SCOC: variants seen among roughly 807,000 people sequenced by gnomAD.
SCOC encodes short coiled-coil protein.
In SCOC, 7 loss-of-function variants were observed where a neutral mutation model predicts 9.9. That is an observed-to-expected ratio of 0.71 (90% CI 0.40 to 1.33). The LOEUF is 1.33. SCOC is among the 40% of genes most tolerant of loss of function. The pLI is 0.01. For missense variants in SCOC, 66 were observed against 89.7 expected (o/e 0.74, Z 1.07); for synonymous variants, 19 against 28.2 (o/e 0.67, Z 1.03).
chr4:140,342,016 CTCCCTATT>C (rs983272934), upstream of SCOC, among the ~76,000 whole-genome samples: 4 of 152,166 alleles, frequency 2.6e-5, no homozygotes, highest in African/African-American at 9.7e-5. Flanking sequence ...TTCTGCCTCC[CTCCCTATT>C]TTATCTCATC....
At chr4:140,293,962 C>T (rs535248019) in intron 1 of SCOC, among the ~76,000 whole-genome samples, 53 of 152,318 alleles carry the variant, frequency 3.5e-4, no homozygotes, top group Middle Eastern at 6.8e-3. Flanking sequence ...TTTAACTTAG[C>T]TTTCCCCATT....
intron 1 of SCOC, among the ~76,000 whole-genome samples, chr4:140,283,519 G>A (rs1731146828): frequency 1.3e-5 from 2 of 152,002 alleles, no homozygotes; most frequent in African/African-American, 4.8e-5. Flanking sequence ...TGCATTGAAT[G>A]TCATCATGCT....
At chr4:140,311,004 A>G (rs1369580393) in intron 1 of SCOC, among the ~76,000 whole-genome samples, 1 of 152,238 alleles carries the variant, frequency 6.6e-6, no homozygotes, top group Non-Finnish European at 1.5e-5. Flanking sequence ...GACCTAGGGA[A>G]AAACATTAGA....
At chr4:140,353,644 C>T (rs1028002592) in intron 2 of SCOC, among the ~76,000 whole-genome samples, 2 of 152,146 alleles carry the variant, frequency 1.3e-5, no homozygotes, top group East Asian at 3.9e-4. Context: ...ATGATCTGCC[C>T]GCCTTGGCCT....
chr4:140,325,262 T>C lies in SCOC; in HGVS notation c.-18-18359T>C, dbSNP rs138363392. 2.3e-4 allele frequency among the ~76,000 whole-genome samples: 35 copies of C among 152,234 alleles called. No homozygotes were observed. In the East Asian group the frequency reaches 2.3e-3, roughly 10 times the overall value. Reference sequence around the variant, plus strand: ...GATCTTGGGTTTGGCAATGGGTTGTTAGATACAACAATAAAAGCACAATCC... The same window carrying C: ...GATCTTGGGTTTGGCAATGGGTTGTCAGATACAACAATAAAAGCACAATCC... On this transcript the variant is annotated intron_variant, in intron 1 of 4. Coordinates refer to the SCOC transcript ENST00000394205.
chr4:140,280,794 TC>T (rs1731080225), intron 1 of SCOC, among the ~76,000 whole-genome samples: 1 of 152,204 alleles, frequency 6.6e-6, no homozygotes, highest in Admixed American at 6.5e-5. Flanking sequence ...AATGTGTTTT[TC>T]TGAGGAGACG....
In SCOC at chr4:140,295,930, CA is replaced by C. The variant is rs1203213131; in HGVS notation, c.-19+38537del. On this transcript the variant is annotated intron_variant, in intron 1 of 4. Coordinates refer to the SCOC transcript ENST00000394205. ...TGGGCGACAGAGCGAGACTCCGTCT[CA>C]AAAAAAAAAAAAAAAAGAAAGAAAG... 2.7e-3 allele frequency among the ~76,000 whole-genome samples: 144 copies of C among 53,014 alleles called. 1 individual carries two copies. In the East Asian group the frequency reaches 0.028, roughly 10 times the overall value. 34.8% of individuals were successfully genotyped at this position (53,014 alleles called of 152,430 possible).
chr4:140,331,880 GT>G (rs1266503158), intron 1 of SCOC, among the ~76,000 whole-genome samples: 1 of 152,170 alleles, frequency 6.6e-6, no homozygotes, highest in Non-Finnish European at 1.5e-5. Context: ...AAGAACAGAG[GT>G]TTAATTGGCC....
At chr4:140,303,543 A>G (rs1221189587) in intron 1 of SCOC, among the ~76,000 whole-genome samples, 1 of 152,282 alleles carries the variant, frequency 6.6e-6, no homozygotes, top group East Asian at 1.9e-4. Context: ...TTTCCTTTAT[A>G]GCTATCTAGT....
chr4:140,357,330 G>T (rs1727275045), intron 2 of SCOC, among the ~76,000 whole-genome samples: 1 of 152,128 alleles, frequency 6.6e-6, no homozygotes, highest in Admixed American at 6.5e-5. Flanking sequence ...CTACTGCCTT[G>T]AATTATTCAA....
Position 140,259,422 on chromosome 4 carries a change from CA to C in SCOC, c.-19+2017del, listed in dbSNP as rs564768548. On this transcript the variant is annotated intron_variant, in intron 1 of 4. Coordinates refer to the SCOC transcript ENST00000394205. Reference sequence around the variant, plus strand: ...CTACCTACTGCACATATTTTCTCTTCAAAAATCGCCCTACAGTTGCCATTGG... The same window carrying C: ...CTACCTACTGCACATATTTTCTCTTCAAAATCGCCCTACAGTTGCCATTGG... Among the ~76,000 whole-genome samples, 11 of 152,320 alleles carry C rather than the reference CA, an allele frequency of 7.2e-5. No individual in the cohort carries two copies. The South Asian group carries it at 2.3e-3, about 32-fold the overall frequency.
chr4:140,267,807 G>A (rs769212033), intron 1 of SCOC, among the ~76,000 whole-genome samples: 2 of 152,002 alleles, frequency 1.3e-5, no homozygotes, highest in East Asian at 1.9e-4. Flanking sequence ...CTGGCCTCTC[G>A]GCTCCTCCAT....
intron 1 of SCOC, among the ~76,000 whole-genome samples, chr4:140,337,953 C>T (rs1733005661): frequency 6.6e-6 from 1 of 152,150 alleles, no homozygotes; most frequent in African/African-American, 2.4e-5. Context: ...TTTTATGAGG[C>T]CAGCATCATC....
In SCOC at chr4:140,373,744, G is replaced by C. The variant is rs777304262; in HGVS notation, c.-51+27G>C. 751 of 1,539,240 alleles carry C rather than the reference G, an allele frequency of 4.9e-4. 1 individual carries two copies. The highest frequency in any genetic ancestry group is 5.0e-4 in the Non-Finnish European group (578 of 1,144,846). On this transcript the variant is annotated intron_variant, in intron 1 of 3. Transcript: ENST00000608372. ...TGAGGGCCGTCCCGGGCAGCGGAGG[G>C]CCTGGCCCCAGGCGACTAGAGCTGC...
At chr4:140,372,406 T>C (rs1353409815), upstream of SCOC, among the ~76,000 whole-genome samples, 1 of 152,236 alleles carries the variant, frequency 6.6e-6, no homozygotes, top group South Asian at 2.1e-4. Context: ...TGCTCAAGAA[T>C]AAGTACTTCT....
At chr4:140,361,332 A>C (rs1362764802) in intron 2 of SCOC, among the ~76,000 whole-genome samples, 3 of 151,896 alleles carry the variant, frequency 2.0e-5, no homozygotes, top group Non-Finnish European at 4.4e-5. Context: ...TGCTGACTTC[A>C]GTTGCGGCCA....
intron 1 of SCOC, among the ~76,000 whole-genome samples, chr4:140,319,544 T>G (rs7673899): frequency 0.11 from 17,030 of 152,204 alleles, 1,408 homozygotes; most frequent in African/African-American, 0.24. Context: ...ATTTCATTTT[T>G]TTCTCATTTT....
intron 1 of SCOC, among the ~76,000 whole-genome samples, chr4:140,257,664 G>A (rs1036334108): frequency 6.6e-6 from 1 of 152,190 alleles, no homozygotes; most frequent in African/African-American, 2.4e-5. Flanking sequence ...CTTCTTTGGG[G>A]ATAATAATAG....
In SCOC at chr4:140,384,838, A is replaced by AT. The variant is rs1728657428; in HGVS notation, c.*3735dup. ...AGGTTGAAATCCTAACCCCAATGTG[A>AT]TGCTTTTAGGAGGTGGGGCTTTTGG... On this transcript the variant is annotated 3_prime_UTR_variant, in exon 4 of 4. Coordinates refer to ENST00000608372, the MANE Select transcript of SCOC (RefSeq NM_001153484.2). 5 of 152,254 alleles carry AT rather than the reference A, an allele frequency of 3.3e-5. No individual in the cohort carries two copies. The South Asian group carries it at 1.0e-3, about 32-fold the overall frequency. The allele number at this position is 152,254 out of a possible 1,614,324, so 9.4% of individuals were successfully genotyped here. A position where few individuals can be genotyped will look rare whatever the true frequency, so the allele number is the denominator to read the frequency against.
Sources: allele counts gnomAD v4.1 joint callset (sites outside exome capture counted in the v4.1 genomes callset), GRCh38; gene constraint gnomAD v4.1.1; transcripts MANE v1.5; gene names NCBI Gene and HGNC (gene_info 2026-07-23, HGNC 2026-07-21).